Variants in TBC1D2 observed in about 807,000 individuals in gnomAD.
TBC1D2 encodes the protein TBC1 domain family member 2.
Under a neutral mutation model 91.1 loss-of-function variants are expected in TBC1D2, and 58 were observed. That is an observed-to-expected ratio of 0.64 (90% CI 0.52 to 0.79). TBC1D2 has a LOEUF of 0.79. TBC1D2 is among the 30% of genes least tolerant of loss of function. TBC1D2 has a pLI of 0.00. For synonymous variants in TBC1D2, 482 were observed against 511.5 expected (o/e 0.94, Z 0.78); for missense variants, 1,080 against 1,208.3 (o/e 0.89, Z 1.57).
Position 98,204,189 on chromosome 9 carries a change from G to T in TBC1D2, c.2151-781C>A, listed in dbSNP as rs1325122915. 9.2e-5 allele frequency among the ~76,000 whole-genome samples: 14 copies of T among 152,126 alleles called. No homozygotes were observed. The South Asian group carries it at 2.5e-3, about 27-fold the overall frequency. On this transcript the variant is annotated intron_variant, in intron 9 of 12. Coordinates refer to ENST00000465784, the MANE Select transcript of TBC1D2 (RefSeq NM_001267571.2). ...CTCTCATCCCGGGCCAATCCAAGAA[G>T]TCATTTTCCAAAAATGTCTTCCAGG...
chr9:98,209,184 C>A, intron 8 of TBC1D2, 40 bp from the exon 9 acceptor site: 2 of 1,577,708 alleles, frequency 1.3e-6, no homozygotes, highest in South Asian at 2.3e-5. Context: ...CTTGCAGAGC[C>A]CTTCCCTAGA....
intron 2 of TBC1D2, among the ~76,000 whole-genome samples, chr9:98,250,442 G>A (rs563843478): frequency 2.6e-5 from 4 of 152,262 alleles, no homozygotes; most frequent in African/African-American, 9.6e-5. Flanking sequence ...TTTGAGAGAT[G>A]AGGTGTGACC....
chr9:98,213,017 G>A, intron 7 of TBC1D2, 91 bp downstream of exon 7: 1 of 1,418,304 alleles, frequency 7.1e-7, no homozygotes, highest in Non-Finnish European at 9.9e-7. Flanking sequence ...GGGGCAGACA[G>A]GAAATGAGGA....
intron 5 of TBC1D2, among the ~76,000 whole-genome samples, chr9:98,227,637 C>A (rs748296971): frequency 6.6e-6 from 1 of 151,872 alleles, no homozygotes; most frequent in South Asian, 2.1e-4. Context: ...AAAAAATTAG[C>A]TGGGCATGGT....
intron 6 of TBC1D2, among the ~76,000 whole-genome samples, chr9:98,219,913 C>T (rs1360264247): frequency 6.6e-6 from 1 of 152,160 alleles, no homozygotes; most frequent in East Asian, 1.9e-4. Context: ...GCTATGAGTG[C>T]ACTCCACAGC....
At position 98,199,097 on chromosome 9, in the gene TBC1D2, A is replaced by G. The variant is rs1828410748; in HGVS notation, c.*284T>C. Reference sequence around the variant, plus strand: ...TAGAGAATGTTCCAGGTTACCCTATAGAGGCAGTGCTCTTGCTTGTTTACA... The same window carrying G: ...TAGAGAATGTTCCAGGTTACCCTATGGAGGCAGTGCTCTTGCTTGTTTACA... On this transcript the variant is annotated 3_prime_UTR_variant, in exon 13 of 13. Transcript: ENST00000465784. 1.7e-6 allele frequency: 1 copy of G among 575,492 alleles called. No individual in the cohort carries two copies. The highest frequency in any genetic ancestry group is 3.1e-6 in the Non-Finnish European group (1 of 321,218). The allele number at this position is 575,492 out of a possible 1,614,324, so 35.6% of individuals were successfully genotyped here.
intron 2 of TBC1D2, among the ~76,000 whole-genome samples, chr9:98,245,092 T>C (rs566095896): frequency 3.0e-4 from 46 of 151,194 alleles, no homozygotes; most frequent in Non-Finnish European, 5.6e-4. Context: ...TACAAAAAAT[T>C]AGCCAGGCAT....
Position 98,221,030 on chromosome 9 carries a change from G to A in TBC1D2, c.1177C>T (p.Arg393Trp), listed in dbSNP as rs1829086117. The A allele has an allele frequency of 1.2e-6, 2 of 1,613,780 alleles. No individual in the cohort carries two copies. The highest frequency in any genetic ancestry group is 8.5e-7 in the Non-Finnish European group (1 of 1,179,968). Residue 393 changes from arginine to tryptophan, a missense_variant, in exon 6 of 13, where the codon CGG (arginine) becomes TGG (tryptophan). By Grantham distance (101) the Arg-to-Trp change is moderately radical. Coordinates refer to ENST00000465784, the MANE Select transcript of TBC1D2 (RefSeq NM_001267571.2). The part of the protein sequence containing the change: ...RESLAHTASL[R>W]EQQVQELQQH... ...TGTAGCTCCTGCACCTGCTGCTCCC[G>A]CAGGCTCGCTGTGTGCGCCAGGCTC...
chr9:98,230,185 C>A (rs1220660266), intron 4 of TBC1D2, among the ~76,000 whole-genome samples: 2 of 152,094 alleles, frequency 1.3e-5, no homozygotes, highest in East Asian at 3.9e-4. Flanking sequence ...TATTATGAGT[C>A]CCCAGCAGAA....
chr9:98,213,676 T>C (rs1487369928), intron 6 of TBC1D2: 1 of 156,858 alleles, frequency 6.4e-6, no homozygotes, highest in Non-Finnish European at 1.4e-5. Flanking sequence ...TACTGTAAAA[T>C]TAACTCAGTG....
At chr9:98,210,881 G>A in intron 7 of TBC1D2, 38 bp from the exon 8 acceptor site, 3 of 1,524,820 alleles carry the variant, frequency 2.0e-6, no homozygotes, top group Non-Finnish European at 2.6e-6. Flanking sequence ...TACCGGGTGG[G>A]AGCTGGGCCG....
chr9:98,224,524 C>A (rs1459624455), intron 5 of TBC1D2, among the ~76,000 whole-genome samples: 1 of 151,986 alleles, frequency 6.6e-6, no homozygotes, highest in Non-Finnish European at 1.5e-5. Flanking sequence ...CTCAAGAGAT[C>A]CTCCCACCTT....
In TBC1D2 at chr9:98,200,484, C is replaced by T. The variant is rs972679490; in HGVS notation, c.2458-110G>A. The T allele has an allele frequency of 3.8e-5, 36 of 940,360 alleles. 1 individual carries two copies. The highest frequency in any genetic ancestry group is 6.3e-5 in the South Asian group (4 of 63,494). 58.3% of individuals were successfully genotyped at this position (940,360 alleles called of 1,614,324 possible). A position where few individuals can be genotyped will look rare whatever the true frequency, so the allele number is the denominator to read the frequency against. On this transcript the variant is annotated intron_variant, in intron 11 of 12. Transcript: ENST00000465784. Reference sequence around the variant, plus strand: ...AGTATGGAAGACCCTGGACTGGCTGCGGAAGTTGAGGCCTGGAGGCACAAT... The same window carrying T: ...AGTATGGAAGACCCTGGACTGGCTGTGGAAGTTGAGGCCTGGAGGCACAAT...
chr9:98,215,575 A>G (rs1054400673), intron 6 of TBC1D2, among the ~76,000 whole-genome samples: 1 of 152,126 alleles, frequency 6.6e-6, no homozygotes, highest in Non-Finnish European at 1.5e-5. Flanking sequence ...TGGCGTGATC[A>G]TAGCTCATGG....
chr9:98,201,656 C>G lies in TBC1D2; in HGVS notation c.2280G>C (p.Gln760His). The G allele has an allele frequency of 6.2e-7, 1 of 1,611,046 alleles. No individual in the cohort carries two copies. Among genetic ancestry groups the G allele is most frequent in the Non-Finnish European group, 8.5e-7 (1 of 1,178,392 alleles). The stretch of plus-strand genomic sequence containing the variant: ...CCGAGAGCAGGTCCTGGAGCACCCG[C>G]TGGTCCACCTGGAAGCCAGCGAGAG... Reference protein sequence around the residue: ...CNTLTASQVDQRVLQDLLSEK... With the variant: ...CNTLTASQVDHRVLQDLLSEK... Residue 760 changes from glutamine to histidine, a missense_variant, in exon 11 of 13, where the codon CAG (glutamine) becomes CAC (histidine). Physicochemically the swap from Gln to His is conservative, Grantham distance 24. Coordinates refer to ENST00000465784, the MANE Select transcript of TBC1D2 (RefSeq NM_001267571.2).
In TBC1D2 at chr9:98,251,957, C is replaced by G. The variant is rs367881903; in HGVS notation, c.370-31G>C. On this transcript the variant is annotated intron_variant, in intron 1 of 12. Coordinates refer to ENST00000465784, the MANE Select transcript of TBC1D2 (RefSeq NM_001267571.2). ...AAGCACAAGGATTAGTTGGCAAGGC[C>G]CTGTGCCTGAAGGGTGGCACTGGGT... 9.5e-6 allele frequency: 15 copies of G among 1,581,098 alleles called. No homozygotes were observed. The African/African-American group carries it at 1.8e-4, about 19-fold the overall frequency.
chr9:98,247,197 T>C (rs1302900795), intron 2 of TBC1D2, among the ~76,000 whole-genome samples: 1 of 151,650 alleles, frequency 6.6e-6, no homozygotes, highest in Non-Finnish European at 1.5e-5. Context: ...CGTGGTGACG[T>C]GTGCCTGTAG....
At chr9:98,253,223 T>C (rs1829907351) in intron 1 of TBC1D2, among the ~76,000 whole-genome samples, 1 of 152,176 alleles carries the variant, frequency 6.6e-6, no homozygotes, top group Admixed American at 6.5e-5. Flanking sequence ...GACATGTACC[T>C]GGATGTTCCA....
intron 5 of TBC1D2, among the ~76,000 whole-genome samples, chr9:98,222,967 A>C (rs1456827773): frequency 2.6e-5 from 4 of 151,998 alleles, no homozygotes; most frequent in Non-Finnish European, 4.4e-5. Flanking sequence ...CCACATGCCC[A>C]TCCATCCATC....
Sources: gnomAD v4.1 joint callset for allele counts (sites outside exome capture counted in the v4.1 genomes callset) on GRCh38, gnomAD v4.1.1 for gene constraint, MANE v1.5 for transcripts, NCBI Gene and HGNC (gene_info 2026-07-23, HGNC 2026-07-21) for gene names.